SUPT3H: variants seen among roughly 807,000 people sequenced by gnomAD.
SUPT3H encodes SPT3 homolog, SAGA and STAGA complex component.
SUPT3H carries 44 observed loss-of-function variants against 44.3 expected under a neutral mutation model. That is an observed-to-expected ratio of 0.99 (90% CI 0.78 to 1.28). SUPT3H has a LOEUF of 1.28. Ranked by LOEUF, SUPT3H falls within the 50% of genes most tolerant of loss-of-function variation. The pLI is 0.00. For missense variants in SUPT3H, 380 were observed against 387.1 expected (o/e 0.98, Z 0.15); for synonymous variants, 124 against 125.6 (o/e 0.99, Z 0.09).
Position 45,300,333 on chromosome 6 carries a change from C to T in SUPT3H, c.101+64868G>A, listed in dbSNP as rs533114779. Among the ~76,000 whole-genome samples, 16 of 152,264 alleles carry T rather than the reference C, an allele frequency of 1.1e-4. No homozygotes were observed. In the South Asian group the frequency reaches 1.7e-3, roughly 16 times the overall value. Reference sequence around the variant, plus strand: ...AAGTTTTCTCTCACAAGTTGATTCTCACAATAATGTTAAGAGGAGAGTTAG... The same window carrying T: ...AAGTTTTCTCTCACAAGTTGATTCTTACAATAATGTTAAGAGGAGAGTTAG... On this transcript the variant is annotated intron_variant, in intron 2 of 10. Transcript: ENST00000371459.
At position 44,826,888 on chromosome 6, in the gene SUPT3H, G is replaced by A. The variant is rs535912102; in HGVS notation, c.*2928C>T. Among the ~76,000 whole-genome samples, 2 of 152,232 alleles carry A rather than the reference G, an allele frequency of 1.3e-5. No individual in the cohort carries two copies. Among genetic ancestry groups the A allele is most frequent in the African/African-American group, 2.4e-5 (1 of 41,552 alleles). On this transcript the variant is annotated 3_prime_UTR_variant, in exon 11 of 11. Transcript: ENST00000371459. The stretch of plus-strand genomic sequence containing the variant: ...TATACACCATTTAAAAAATATTTGT[G>A]CTTCTGATGGTTTTCAAATAAAAAG...
At chr6:45,089,654 C>T (rs993921425) in intron 3 of SUPT3H, among the ~76,000 whole-genome samples, 1 of 147,268 alleles carries the variant, frequency 6.8e-6, no homozygotes, top group Non-Finnish European at 1.5e-5. Context: ...AATTCCTGAA[C>T]CCATGAAATC....
chr6:45,049,255 G>A (rs1789902007), intron 3 of SUPT3H, among the ~76,000 whole-genome samples: 1 of 152,154 alleles, frequency 6.6e-6, no homozygotes, highest in Admixed American at 6.5e-5. Flanking sequence ...TTCCAACCCT[G>A]AGACTTCTGG....
chr6:45,306,087 T>A (rs1224199627), intron 2 of SUPT3H, among the ~76,000 whole-genome samples: 3 of 152,202 alleles, frequency 2.0e-5, no homozygotes, highest in African/African-American at 7.2e-5. Flanking sequence ...ACATGATACA[T>A]ATCAGTGCCA....
intron 2 of SUPT3H, among the ~76,000 whole-genome samples, chr6:45,202,762 T>C (rs1284957): frequency 0.029 from 4,481 of 152,238 alleles, 93 homozygotes; most frequent in Non-Finnish European, 0.047. Context: ...TTATAAATAA[T>C]ATACAATTCT....
intron 10 of SUPT3H, among the ~76,000 whole-genome samples, chr6:44,856,560 T>C (rs1773763909): frequency 6.6e-6 from 1 of 152,016 alleles, no homozygotes; most frequent in Non-Finnish European, 1.5e-5. Flanking sequence ...CTGCACTGGT[T>C]TTTTCTATTT....
At chr6:45,341,869 T>A (rs556153008) in intron 2 of SUPT3H, among the ~76,000 whole-genome samples, 1 of 152,184 alleles carries the variant, frequency 6.6e-6, no homozygotes. Flanking sequence ...TTCACACTTA[T>A]TTCATCAGAA....
At chr6:45,007,532 C>CA (rs1489664685) in intron 5 of SUPT3H, among the ~76,000 whole-genome samples, 2 of 151,950 alleles carry the variant, frequency 1.3e-5, no homozygotes, top group Non-Finnish European at 2.9e-5. Context: ...GACTTTTTGA[C>CA]AAAAAATCAT....
intron 3 of SUPT3H, among the ~76,000 whole-genome samples, chr6:45,075,648 G>GT (rs1474060147): frequency 6.6e-6 from 1 of 152,036 alleles, no homozygotes; most frequent in Non-Finnish European, 1.5e-5. Flanking sequence ...CATGTGCTTT[G>GT]TGATTTCAAA....
At chr6:45,356,453 A>G (rs1055236964) in intron 2 of SUPT3H, among the ~76,000 whole-genome samples, 2 of 151,878 alleles carry the variant, frequency 1.3e-5, no homozygotes, top group African/African-American at 4.8e-5. Context: ...GCTGGAGTGC[A>G]GTGGCGCAAT....
chr6:45,250,771 G>A (rs1245592464), intron 2 of SUPT3H, among the ~76,000 whole-genome samples: 1 of 150,294 alleles, frequency 6.7e-6, no homozygotes, highest in Non-Finnish European at 1.5e-5. Context: ...AAAGCATCAA[G>A]TAAGGGGAAA....
chr6:45,055,244 C>A (rs1790924846), intron 3 of SUPT3H, among the ~76,000 whole-genome samples: 1 of 151,998 alleles, frequency 6.6e-6, no homozygotes, highest in African/African-American at 2.4e-5. Context: ...GACCATACTG[C>A]CAAAAGCAAT....
At chr6:45,110,530 C>A (rs1799895123) in intron 2 of SUPT3H, among the ~76,000 whole-genome samples, 1 of 151,086 alleles carries the variant, frequency 6.6e-6, no homozygotes, top group African/African-American at 2.4e-5. Flanking sequence ...CAAAAAACAA[C>A]AGAACCCCTT....
chr6:44,989,879 T>G (rs1030798895), intron 6 of SUPT3H, among the ~76,000 whole-genome samples: 1 of 152,160 alleles, frequency 6.6e-6, no homozygotes, highest in African/African-American at 2.4e-5. Context: ...TGTGAGTTCC[T>G]TATATATTTT....
intron 10 of SUPT3H, among the ~76,000 whole-genome samples, chr6:44,836,644 C>A (rs1769963768): frequency 6.6e-6 from 1 of 152,028 alleles, no homozygotes; most frequent in Non-Finnish European, 1.5e-5. Flanking sequence ...AGTCTGAATA[C>A]AAAAATCTCT....
At chr6:45,352,888 T>C (rs904130026) in intron 2 of SUPT3H, among the ~76,000 whole-genome samples, 1 of 152,150 alleles carries the variant, frequency 6.6e-6, no homozygotes, top group African/African-American at 2.4e-5. Context: ...ACTGGTCATT[T>C]ATTTCCAGCT....
intron 6 of SUPT3H, among the ~76,000 whole-genome samples, chr6:44,991,876 T>C (rs1185159498): frequency 6.6e-6 from 1 of 152,156 alleles, no homozygotes; most frequent in Non-Finnish European, 1.5e-5. Context: ...GAGAATACAC[T>C]TGTTTTCATA....
chr6:45,079,953 T>A (rs1795559935), intron 3 of SUPT3H, among the ~76,000 whole-genome samples: 1 of 151,974 alleles, frequency 6.6e-6, no homozygotes. Context: ...ACAAATGAGA[T>A]TACATCAAAT....
intron 2 of SUPT3H, among the ~76,000 whole-genome samples, chr6:45,287,201 C>CT (rs1030712523): frequency 1.3e-5 from 2 of 151,596 alleles, no homozygotes; most frequent in Non-Finnish European, 2.9e-5. Context: ...TGTAACAAAC[C>CT]TGCACATTGT....
Sources: allele counts gnomAD v4.1 joint callset (sites outside exome capture counted in the v4.1 genomes callset), GRCh38; gene constraint gnomAD v4.1.1; transcripts MANE v1.5; gene names NCBI Gene and HGNC (gene_info 2026-07-23, HGNC 2026-07-21).